EEA1: variants seen among roughly 807,000 people sequenced by gnomAD.
EEA1 encodes the protein early endosome antigen 1, also known as early endosome antigen 1, 162kD.
A neutral mutation model predicts 209.2 loss-of-function variants in EEA1; 111 were observed. That is an observed-to-expected ratio of 0.53 (90% CI 0.45 to 0.62). The LOEUF (loss-of-function observed/expected upper bound fraction) is 0.62, where lower values mean the gene tolerates loss of function less well. EEA1 is among the 20% of genes least tolerant of loss of function. EEA1 has a pLI of 0.00. For synonymous variants in EEA1, 536 were observed against 540.6 expected (o/e 0.99, Z 0.12); for missense variants, 1,343 against 1,530.8 (o/e 0.88, Z 2.05).
intron 3 of EEA1, chr12:92,858,279 C>T: frequency 2.7e-6 from 2 of 736,464 alleles, no homozygotes; most frequent in South Asian, 1.4e-5. Flanking sequence ...AATGATCCTT[C>T]TTGCACGTGA....
At chr12:92,880,742 T>C (rs192907089) in intron 2 of EEA1, among the ~76,000 whole-genome samples, 11 of 152,344 alleles carry the variant, frequency 7.2e-5, no homozygotes, top group African/African-American at 2.4e-4. Flanking sequence ...CCCAAAGTGC[T>C]GGGATTACAA....
At position 92,771,160 on chromosome 12, in the gene EEA1, G is replaced by T. The variant is rs10507017; in HGVS notation, c.*4851C>A. The T allele has an allele frequency of 1.3e-5, 2 of 151,856 alleles. No homozygotes were observed. The highest frequency in any genetic ancestry group is 4.8e-5 in the African/African-American group (2 of 41,360). 9.4% of individuals were successfully genotyped at this position (151,856 alleles called of 1,614,324 possible). A position where few individuals can be genotyped will look rare whatever the true frequency, so the allele number is the denominator to read the frequency against. Reference sequence around the variant, plus strand: ...CTACATTCAAGGAACTAGTTCTTAGGGTCAGATTATTGCATCAAAGGGAAG... The same window carrying T: ...CTACATTCAAGGAACTAGTTCTTAGTGTCAGATTATTGCATCAAAGGGAAG... On this transcript the variant is annotated 3_prime_UTR_variant, in exon 29 of 29. Transcript: ENST00000322349.
At chr12:92,819,965 A>T (rs1200576207) in intron 13 of EEA1, among the ~76,000 whole-genome samples, 1 of 152,166 alleles carries the variant, frequency 6.6e-6, no homozygotes, top group Non-Finnish European at 1.5e-5. Flanking sequence ...GACTACTCTG[A>T]CCATTCCATT....
Position 92,772,637 on chromosome 12 carries a change from A to G in EEA1, c.*3374T>C, listed in dbSNP as rs2136642021. ...GTCACGTACTTTATCAGTTACATTT[A>G]TAATTAATAACCTTCCAATCACTGA... On this transcript the variant is annotated 3_prime_UTR_variant, in exon 29 of 29. Coordinates refer to ENST00000322349, the MANE Select transcript of EEA1 (RefSeq NM_003566.4). 1 of 152,426 alleles carries G rather than the reference A, an allele frequency of 6.6e-6. No homozygotes were observed. The highest frequency in any genetic ancestry group is 6.6e-5 in the Admixed American group (1 of 15,230). The allele number at this position is 152,426 out of a possible 1,614,324, so 9.4% of individuals were successfully genotyped here. A position where few individuals can be genotyped will look rare whatever the true frequency, so the allele number is the denominator to read the frequency against.
At chr12:92,927,734 T>C (rs563685049) in intron 1 of EEA1, among the ~76,000 whole-genome samples, 6 of 152,324 alleles carry the variant, frequency 3.9e-5, no homozygotes, top group African/African-American at 1.4e-4. Flanking sequence ...TGCACAGATG[T>C]CTTTACTGCT....
chr12:92,838,551 C>T (rs1265751342), intron 10 of EEA1, among the ~76,000 whole-genome samples: 1 of 152,072 alleles, frequency 6.6e-6, no homozygotes, highest in Non-Finnish European at 1.5e-5. Flanking sequence ...TAGGGAAAAG[C>T]ACAGCTATGA....
intron 13 of EEA1, 146 bp downstream of exon 13, chr12:92,826,020 C>T (rs1876279849): frequency 1.3e-6 from 1 of 790,496 alleles, no homozygotes; most frequent in East Asian, 3.4e-5. Flanking sequence ...TATCAAAATC[C>T]CTCACAATCA....
chr12:92,878,516 A>G (rs751792229), intron 2 of EEA1, among the ~76,000 whole-genome samples: 6 of 152,236 alleles, frequency 3.9e-5, no homozygotes, highest in Middle Eastern at 3.2e-3. Flanking sequence ...GCAAGAATTT[A>G]GCTTAAACAA....
chr12:92,835,114 C>G (rs1876856661), intron 10 of EEA1, among the ~76,000 whole-genome samples: 1 of 151,954 alleles, frequency 6.6e-6, no homozygotes, highest in Admixed American at 6.6e-5. Flanking sequence ...ATCTCCTGAC[C>G]TCATGATCCG....
At chr12:92,807,794 A>G (rs184091583) in intron 18 of EEA1, among the ~76,000 whole-genome samples, 14 of 152,236 alleles carry the variant, frequency 9.2e-5, no homozygotes, top group Non-Finnish European at 1.8e-4. Context: ...AGATAAAGAG[A>G]CATATGTTTG....
rs758734153 is a variant in EEA1 at position 92,801,638 on chromosome 12, G to T, written c.2734C>A (p.Gln912Lys). The T allele has an allele frequency of 1.3e-6, 2 of 1,594,208 alleles. No individual in the cohort carries two copies. The highest frequency in any genetic ancestry group is 1.8e-5 in the Admixed American group (1 of 56,576). The change falls in exon 20 of 29, where the codon CAG becomes AAG. Residue 912 changes from glutamine (Q) to lysine (K), a missense_variant. Coordinates refer to ENST00000322349, the MANE Select transcript of EEA1 (RefSeq NM_003566.4). ...TCAAGTGACTTTTTCAGTTCCTTCT[G>T]TTCCTTAAGTGTGTTTTCCATCTGC... ...QVQMENTLKEQKELKKSLEKE... is the reference protein window; with the variant it reads ...QVQMENTLKEKKELKKSLEKE...
chr12:92,887,485 AAAC>A (rs888682909), intron 2 of EEA1, among the ~76,000 whole-genome samples: 17 of 151,942 alleles, frequency 1.1e-4, no homozygotes, highest in South Asian at 2.1e-4. Context: ...TCTCTACCAA[AAAC>A]AACAACAACA....
intron 10 of EEA1, among the ~76,000 whole-genome samples, chr12:92,836,720 A>C (rs1055993949): frequency 6.6e-6 from 1 of 152,186 alleles, no homozygotes; most frequent in Non-Finnish European, 1.5e-5. Flanking sequence ...TCAGCTAAAA[A>C]GTTATGTTTT....
intron 1 of EEA1, among the ~76,000 whole-genome samples, chr12:92,921,926 A>ATGACAGAT (rs1414671402): frequency 2.6e-5 from 4 of 151,816 alleles, no homozygotes; most frequent in Non-Finnish European, 5.9e-5. Context: ...TGGTCAGAGA[A>ATGACAGAT]TGACAGATTA....
chr12:92,903,352 C>T (rs1396094856), intron 1 of EEA1, among the ~76,000 whole-genome samples: 1 of 151,810 alleles, frequency 6.6e-6, no homozygotes, highest in East Asian at 2.0e-4. Context: ...AATCCCAGCA[C>T]TTTGGGAGGC....
At chr12:92,790,167 G>T (rs1462622166) in intron 21 of EEA1, among the ~76,000 whole-genome samples, 4 of 152,224 alleles carry the variant, frequency 2.6e-5, no homozygotes, top group Non-Finnish European at 4.4e-5. Context: ...AAACCACAAA[G>T]ATGGGGAGAA....
rs777959627 is a variant in EEA1, at chr12:92,842,538, T to G, written c.842A>C (p.Gln281Pro). The G allele has an allele frequency of 3.1e-6, 5 of 1,608,148 alleles. No individual in the cohort carries two copies. The highest frequency in any genetic ancestry group is 3.4e-5 in the Admixed American group (2 of 59,124). Residue 281 changes from glutamine to proline, a missense_variant, in exon 10 of 29, where the codon CAG becomes CCG. Physicochemically the swap from Gln to Pro is moderately conservative, Grantham distance 76. Coordinates refer to ENST00000322349, the MANE Select transcript of EEA1 (RefSeq NM_003566.4). ...TTCCTGTACATATACAGCAACTTCC[T>G]GGGGGCCTTTGGCAAGTTCACTCCT... ...QLRSELAKGP[Q>P]EVAVYVQELQ...
At chr12:92,896,573 ATTG>A (rs772120939) in intron 1 of EEA1, among the ~76,000 whole-genome samples, 14 of 152,128 alleles carry the variant, frequency 9.2e-5, no homozygotes, top group Non-Finnish European at 1.9e-4. Context: ...AGCAAACTTC[ATTG>A]TTGTTTTATT....
In EEA1 at chr12:92,895,764, C is replaced by T. The variant is rs185151487; in HGVS notation, c.25-4043G>A. ...AGATCTGGGCAGAGTGTGTGGAAAA[C>T]CTTCTAAAAAGGTCACCATTCTAGA... On this transcript the variant is annotated intron_variant, in intron 1 of 28. Coordinates refer to ENST00000322349, the MANE Select transcript of EEA1 (RefSeq NM_003566.4). Among the ~76,000 whole-genome samples, 313 of 152,042 alleles carry T rather than the reference C, an allele frequency of 2.1e-3. 1 individual carries two copies. Among genetic ancestry groups the T allele is most frequent in the Middle Eastern group, 0.01 (3 of 294 alleles).
Sources: gnomAD v4.1 joint callset for allele counts (sites outside exome capture counted in the v4.1 genomes callset) on GRCh38, gnomAD v4.1.1 for gene constraint, MANE v1.5 for transcripts, NCBI Gene and HGNC (gene_info 2026-07-23, HGNC 2026-07-21) for gene names.